AP3M1: variants seen among roughly 807,000 people sequenced by gnomAD.
AP3M1 encodes the protein AP-3 complex subunit mu-1.
AP3M1 carries 29 observed loss-of-function variants against 42.6 expected under a neutral mutation model. The ratio of observed to expected loss-of-function variants is 0.68; its 90% CI spans 0.51 to 0.93. The LOEUF is 0.93. AP3M1 is among the 40% of genes least tolerant of loss of function. The pLI, the probability that AP3M1 is intolerant of heterozygous loss-of-function variation, is 0.00. For synonymous variants in AP3M1, 178 were observed against 175.3 expected (o/e 1.02, Z -0.12); for missense variants, 416 against 510.2 (o/e 0.82, Z 1.78).
chr10:74,133,410 A>G (rs1250911301), intron 4 of AP3M1, among the ~76,000 whole-genome samples: 1 of 150,298 alleles, frequency 6.7e-6, no homozygotes, highest in Non-Finnish European at 1.5e-5. Context: ...AAAAAAAAAA[A>G]TTTAGCCAGG....
intron 4 of AP3M1, among the ~76,000 whole-genome samples, chr10:74,131,550 ATC>A (rs1015184589): frequency 6.6e-6 from 1 of 151,786 alleles, no homozygotes. Context: ...ATAGAAAGAT[ATC>A]TCTTTTTTTT....
intron 4 of AP3M1, 70 bp from the exon 5 acceptor site, chr10:74,130,062 T>C: frequency 1.9e-6 from 2 of 1,035,394 alleles, no homozygotes; most frequent in African/African-American, 1.6e-5. Flanking sequence ...TATCACTGTA[T>C]CTTTTTATTT....
chr10:74,134,283 A>G, intron 3 of AP3M1, 119 bp from the exon 4 acceptor site: 4 of 1,090,014 alleles, frequency 3.7e-6, no homozygotes, highest in Non-Finnish European at 5.2e-6. Context: ...GAAGTTGTGG[A>G]TGGTCACTAG....
In AP3M1 at chr10:74,121,525, G is replaced by A. The variant is rs1008193968; in HGVS notation, c.*2285C>T. ...ATCAGTAGGTGGTGGTAGTGATAGG[G>A]AAGGGAGCTTTGATCACTAATCTCT... is the stretch of plus-strand genomic sequence containing the variant. On this transcript the variant is annotated 3_prime_UTR_variant, in exon 9 of 9. Transcript: ENST00000355264. The A allele has an allele frequency of 6.6e-6, 1 of 152,200 alleles. No homozygotes were observed. Among genetic ancestry groups the A allele is most frequent in the Non-Finnish European group, 1.5e-5 (1 of 68,026 alleles). 9.4% of individuals were successfully genotyped at this position (152,200 alleles called of 1,614,324 possible).
intron 1 of AP3M1, among the ~76,000 whole-genome samples, chr10:74,141,714 CTTT>C (rs920907444): frequency 3.7e-5 from 5 of 133,402 alleles, no homozygotes; most frequent in Admixed American, 7.7e-5. Context: ...TTTTATTTTC[CTTT>C]TTTTTTTTTT....
At chr10:74,129,024 T>A in intron 6 of AP3M1, 84 bp downstream of exon 6, 4 of 1,535,718 alleles carry the variant, frequency 2.6e-6, no homozygotes. Flanking sequence ...TGACCTCAAG[T>A]ACTCAACTTT....
At chr10:74,148,097 GAT>G (rs1178964355) in intron 1 of AP3M1, among the ~76,000 whole-genome samples, 1 of 152,164 alleles carries the variant, frequency 6.6e-6, no homozygotes, top group Non-Finnish European at 1.5e-5. Context: ...AAAAAATAGA[GAT>G]ATGTAGAGTA....
At chr10:74,129,834 A>G in intron 5 of AP3M1, 73 bp downstream of exon 5, 2 of 1,007,788 alleles carry the variant, frequency 2.0e-6, no homozygotes, top group Non-Finnish European at 1.6e-6. Flanking sequence ...TTATCTCAAT[A>G]TTTATCATTT....
At chr10:74,144,467 C>T (rs1841268196) in intron 1 of AP3M1, among the ~76,000 whole-genome samples, 1 of 152,032 alleles carries the variant, frequency 6.6e-6, no homozygotes, top group Non-Finnish European at 1.5e-5. Flanking sequence ...CAAAGTCTGC[C>T]TATATTGCCC....
rs938582518 is a variant in AP3M1, at chr10:74,121,063, G to A, written c.*2747C>T. The stretch of plus-strand genomic sequence containing the variant: ...GGTGATGATATTGATATTTAGTGTT[G>A]CCAACTGCTATTATCACTGCTTTAT... On this transcript the variant is annotated 3_prime_UTR_variant, in exon 9 of 9. Transcript: ENST00000355264. 2 of 152,170 alleles carry A rather than the reference G, an allele frequency of 1.3e-5. No individual in the cohort carries two copies. The highest frequency in any genetic ancestry group is 2.9e-5 in the Non-Finnish European group (2 of 68,028). The allele number at this position is 152,170 out of a possible 1,614,324, so 9.4% of individuals were successfully genotyped here.
chr10:74,129,074 AT>A, intron 6 of AP3M1, 33 bp downstream of exon 6: 1 of 1,612,008 alleles, frequency 6.2e-7, no homozygotes, highest in Non-Finnish European at 8.5e-7. Context: ...CTTGATATGT[AT>A]GATGGCAGAT....
intron 1 of AP3M1, among the ~76,000 whole-genome samples, chr10:74,149,666 CTG>C (rs1226723346): frequency 1.3e-5 from 2 of 152,324 alleles, no homozygotes; most frequent in Admixed American, 1.3e-4. Context: ...AAGTGTCCCT[CTG>C]TCTTTCCCAA....
rs188199676 is a variant in AP3M1, at chr10:74,144,189, C to T, written c.-3-5807G>A. ...TGTTAGCCAGGATGGTCTCGATCTC[C>T]GGACCTCATGATCCACCCGCCTCGG... On this transcript the variant is annotated intron_variant, in intron 1 of 8. Transcript: ENST00000355264. 3.3e-3 allele frequency among the ~76,000 whole-genome samples: 505 copies of T among 152,198 alleles called. 2 individuals carry two copies. The highest frequency in any genetic ancestry group is 0.031 in the Middle Eastern group (9 of 294).
rs1359397443 is a variant in AP3M1, at chr10:74,121,275, C to A, written c.*2535G>T. ...AATCAGTTGCCTCTCAGGACAAGAT[C>A]AGCATTTTCCTAGGGTCCTTCTGTA... is the stretch of plus-strand genomic sequence containing the variant. On this transcript the variant is annotated 3_prime_UTR_variant, in exon 9 of 9. Transcript: ENST00000355264. The A allele has an allele frequency of 1.3e-5, 2 of 152,140 alleles. No individual in the cohort carries two copies. The highest frequency in any genetic ancestry group is 2.9e-5 in the Non-Finnish European group (2 of 68,022). 9.4% of individuals were successfully genotyped at this position (152,140 alleles called of 1,614,324 possible). A position where few individuals can be genotyped will look rare whatever the true frequency, so the allele number is the denominator to read the frequency against.
At chr10:74,143,771 C>G (rs1024489724) in intron 1 of AP3M1, among the ~76,000 whole-genome samples, 4 of 152,134 alleles carry the variant, frequency 2.6e-5, no homozygotes, top group Non-Finnish European at 5.9e-5. Flanking sequence ...ATTCTGAGCT[C>G]CTGCTCTTAT....
chr10:74,138,254 A>C lies in AP3M1; in HGVS notation c.126T>G (p.Val42=), dbSNP rs1448872914. 4.3e-6 allele frequency: 7 copies of C among 1,613,900 alleles called. No homozygotes were observed. Among genetic ancestry groups the C allele is most frequent in the Non-Finnish European group, 5.9e-6 (7 of 1,179,958 alleles). Residue 42 remains valine (V), a synonymous_variant, in exon 2 of 9, where the codon GTT becomes GTG. Coordinates refer to ENST00000355264, the MANE Select transcript of AP3M1 (RefSeq NM_012095.6). ...FFEAQEKAAD[V]ENVPPVISTP... The stretch of plus-strand genomic sequence containing the variant: ...TTGAAATGACAGGTGGTACATTTTC[A>C]ACATCAGCAGCTTTCTCTTGAGCTT...
intron 1 of AP3M1, among the ~76,000 whole-genome samples, chr10:74,147,509 A>C (rs1037968160): frequency 3.9e-5 from 6 of 152,218 alleles, no homozygotes; most frequent in Admixed American, 1.3e-4. Flanking sequence ...TGATTTATGA[A>C]ATGTGGAATA....
intron 6 of AP3M1, among the ~76,000 whole-genome samples, chr10:74,126,800 G>A (rs1431584470): frequency 1.3e-5 from 2 of 150,530 alleles, no homozygotes; most frequent in South Asian, 2.1e-4. Context: ...GTGAAACCTC[G>A]TCTCTACTAA....
At position 74,135,437 on chromosome 10, in the gene AP3M1, C is replaced by A. The variant is rs192582275; in HGVS notation, c.445+1195G>T. Reference sequence around the variant, plus strand: ...AACCATTCTCTTGAACTTTGTAATACACTATCTAATGAATCTGTTATGTTT... The same window carrying A: ...AACCATTCTCTTGAACTTTGTAATAAACTATCTAATGAATCTGTTATGTTT... On this transcript the variant is annotated intron_variant, in intron 3 of 8. Coordinates refer to ENST00000355264, the MANE Select transcript of AP3M1 (RefSeq NM_012095.6). 1.8e-3 allele frequency among the ~76,000 whole-genome samples: 276 copies of A among 152,268 alleles called. 4 individuals carry two copies. Among genetic ancestry groups the A allele is most frequent in the African/African-American group, 6.4e-3 (265 of 41,556 alleles).
Sources: gnomAD v4.1 joint callset for allele counts (sites outside exome capture counted in the v4.1 genomes callset) on GRCh38, gnomAD v4.1.1 for gene constraint, MANE v1.5 for transcripts, NCBI Gene and HGNC (gene_info 2026-07-23, HGNC 2026-07-21) for gene names.